ABCB7: variants seen among roughly 807,000 people sequenced by gnomAD.
ABCB7 encodes ATP binding cassette subfamily B member 7.
ABCB7 carries 7 observed loss-of-function variants against 54.4 expected under a neutral mutation model. The ratio of observed to expected loss-of-function variants is 0.13; its 90% CI spans 0.07 to 0.24. The LOEUF is 0.24. ABCB7 is among the 10% of genes least tolerant of loss of function. The probability of loss-of-function intolerance (pLI) is 1.00; values close to 1 mark genes in which losing one functional copy is unlikely to be tolerated. For missense variants in ABCB7, 356 were observed against 570.4 expected, an observed-to-expected ratio of 0.62 and a Z score of 3.83; for synonymous variants, 218 against 207.1, an observed-to-expected ratio of 1.05 and a Z score of -0.45.
At chrX:75,099,817 T>C (rs1164799720) in intron 3 of ABCB7, among the ~76,000 whole-genome samples, 1 of 109,818 alleles carries the variant, frequency 9.1e-6, no homozygotes, top group Non-Finnish European at 1.9e-5. Flanking sequence ...AATCCCCATT[T>C]AAACATTAAA....
chrX:75,093,608 G>A (rs2081561847), intron 4 of ABCB7, among the ~76,000 whole-genome samples: 1 of 110,151 alleles, frequency 9.1e-6, no homozygotes, highest in Non-Finnish European at 1.9e-5. Flanking sequence ...AAAATAATTG[G>A]TTCATCAGTT....
At chrX:75,054,173 A>G (rs749001216) in intron 15 of ABCB7, among the ~76,000 whole-genome samples, 5 of 112,252 alleles carry the variant, frequency 4.5e-5, no homozygotes, top group Non-Finnish European at 7.5e-5. Context: ...CTTGATAGCT[A>G]CGGTTAACCA....
chrX:75,093,807 A>G (rs2081563638), intron 4 of ABCB7, among the ~76,000 whole-genome samples: 1 of 108,211 alleles, frequency 9.2e-6, no homozygotes, highest in African/African-American at 3.4e-5. Flanking sequence ...ATACTTCTCA[A>G]AAAGGCATCA....
At chrX:75,104,070 T>TTTTTTG (rs2081666998) in intron 3 of ABCB7, among the ~76,000 whole-genome samples, 1 of 75,848 alleles carries the variant, frequency 1.3e-5, no homozygotes, top group Non-Finnish European at 2.5e-5. Context: ...TTTTTTTTTT[T>TTTTTTG]TTTTTTTTTT....
At chrX:75,141,716 G>A (rs899996032) in intron 1 of ABCB7, among the ~76,000 whole-genome samples, 2 of 111,248 alleles carry the variant, frequency 1.8e-5, no homozygotes, top group Non-Finnish European at 3.8e-5. Context: ...TAGAATTGTT[G>A]GGTCAAAGAG....
At chrX:75,063,873 C>T (rs890306155) in intron 13 of ABCB7, among the ~76,000 whole-genome samples, 1 of 111,560 alleles carries the variant, frequency 9.0e-6, no homozygotes, top group East Asian at 2.8e-4. Flanking sequence ...CCCTCAAAGG[C>T]ATGCAGAAAG....
At chrX:75,144,413 A>G (rs2082076737) in intron 1 of ABCB7, among the ~76,000 whole-genome samples, 1 of 111,897 alleles carries the variant, frequency 8.9e-6, no homozygotes, top group African/African-American at 3.2e-5. Context: ...TTAAATAGCT[A>G]CATATGGCTA....
At chrX:75,073,648 G>T (rs1376369176) in intron 8 of ABCB7, 41 bp downstream of exon 8, 4 of 1,008,302 alleles carry the variant, frequency 4.0e-6, no homozygotes, top group Non-Finnish European at 5.6e-6. Flanking sequence ...AAATCTTAGT[G>T]CAGTGTGAAA....
intron 1 of ABCB7, among the ~76,000 whole-genome samples, chrX:75,119,162 C>G (rs2081851233): frequency 8.9e-6 from 1 of 111,943 alleles, no homozygotes; most frequent in African/African-American, 3.2e-5. Flanking sequence ...CTTAAGTAAT[C>G]TTTGGGAAAT....
At chrX:75,064,265 T>C (rs2081301951) in intron 13 of ABCB7, among the ~76,000 whole-genome samples, 1 of 111,772 alleles carries the variant, frequency 8.9e-6, no homozygotes, top group Admixed American at 9.6e-5. Context: ...GCACATAGTG[T>C]GTATCTAATA....
chrX:75,148,762 C>T (rs1229267553), intron 1 of ABCB7, among the ~76,000 whole-genome samples: 1 of 111,239 alleles, frequency 9.0e-6, no homozygotes, highest in African/African-American at 3.3e-5. Context: ...CAGAAGAAAT[C>T]AACTCTACTG....
At chrX:75,138,175 T>C (rs1357698803) in intron 1 of ABCB7, among the ~76,000 whole-genome samples, 1 of 110,148 alleles carries the variant, frequency 9.1e-6, no homozygotes, top group African/African-American at 3.3e-5. Context: ...TTTAAAAAGA[T>C]AGATGTTAAC....
chrX:75,067,775 G>A lies in ABCB7; in HGVS notation c.1659+1232C>T, dbSNP rs943988848. 3.6e-5 allele frequency among the ~76,000 whole-genome samples: 4 copies of A among 111,082 alleles called. No homozygotes were observed. The South Asian group carries it at 1.5e-3, about 43-fold the overall frequency. On this transcript the variant is annotated intron_variant, in intron 12 of 15. Coordinates refer to ENST00000373394, the MANE Select transcript of ABCB7 (RefSeq NM_001271696.3). ...GCTGGGATTACAGGTGTGAGCCACT[G>A]TGCCCAGCCTAGATTAGTGTTACTT...
rs1454310489 is a variant in ABCB7, at chrX:75,102,487, C to T, written c.334-3426G>A. On this transcript the variant is annotated intron_variant, in intron 3 of 15. Transcript: ENST00000373394. Reference sequence around the variant, plus strand: ...CTAACCTCCAGTTCCATCCATGTCGCTGCAAATGACAGGATTTCACTTTTT... The same window carrying T: ...CTAACCTCCAGTTCCATCCATGTCGTTGCAAATGACAGGATTTCACTTTTT... 2.7e-5 allele frequency among the ~76,000 whole-genome samples: 3 copies of T among 111,683 alleles called. No individual in the cohort carries two copies. The Admixed American group carries it at 2.8e-4, about 11-fold the overall frequency.
intron 1 of ABCB7, among the ~76,000 whole-genome samples, chrX:75,128,303 C>T: frequency 9.0e-6 from 1 of 111,355 alleles, no homozygotes; most frequent in Non-Finnish European, 1.9e-5. Context: ...CACACATCTA[C>T]AACCATCTGA....
At chrX:75,074,102 T>C (rs1189641380) in intron 6 of ABCB7, 146 bp from the exon 7 acceptor site, 2 of 507,022 alleles carry the variant, frequency 3.9e-6, no homozygotes, top group African/African-American at 4.7e-5. Context: ...GGGTGAAAAA[T>C]CAAATACTTT....
chrX:75,128,112 T>C (rs971848440), intron 1 of ABCB7, among the ~76,000 whole-genome samples: 4 of 111,567 alleles, frequency 3.6e-5, no homozygotes, highest in Non-Finnish European at 7.5e-5. Context: ...AAATTTCATA[T>C]GGAACCAAAA....
chrX:75,062,216 A>C, intron 14 of ABCB7, 112 bp downstream of exon 14: 1 of 666,510 alleles, frequency 1.5e-6, no homozygotes, highest in Non-Finnish European at 2.3e-6. Context: ...TTTGCTCTAT[A>C]GCACTTACTA....
rs2081400798 is a variant in ABCB7, at chrX:75,075,427, G to A, written c.790C>T (p.Leu264=). ...AGAAGATTAAATACCAAAGCACTCA[G>A]GACAAAACTGATACCCCTTGTTCCT... is the stretch of plus-strand genomic sequence containing the variant. ...DRGTRGISFV[L]SALVFNLLPI... Residue 264 remains leucine, a synonymous_variant, in exon 6 of 16, where the codon CTG becomes TTG. Coordinates refer to ENST00000373394, the MANE Select transcript of ABCB7 (RefSeq NM_001271696.3). 1.7e-6 allele frequency: 2 copies of A among 1,210,474 alleles called. No homozygotes were observed. The highest frequency in any genetic ancestry group is 2.2e-6 in the Non-Finnish European group (2 of 894,433).
Sources: gnomAD v4.1 joint callset for allele counts (sites outside exome capture counted in the v4.1 genomes callset) on GRCh38, gnomAD v4.1.1 for gene constraint, MANE v1.5 for transcripts, NCBI Gene and HGNC (gene_info 2026-07-23, HGNC 2026-07-21) for gene names.